The following ASH2L variants were observed in gnomAD, a reference collection of about 807,000 sequenced individuals.
ASH2L encodes the protein ASH2 like, histone lysine methyltransferase complex subunit.
Under a neutral mutation model 81.1 loss-of-function variants are expected in ASH2L, and 30 were observed. That is an observed-to-expected ratio of 0.37 (90% confidence interval 0.28 to 0.50). The LOEUF is 0.50. ASH2L is among the 20% of genes least tolerant of loss of function. ASH2L has a pLI of 0.95. For missense variants in ASH2L, 559 were observed against 792.1 expected, an observed-to-expected ratio of 0.71 and a Z score of 3.53; for synonymous variants, 273 against 279.9, an observed-to-expected ratio of 0.98 and a Z score of 0.24.
intron 10 of ASH2L, among the ~76,000 whole-genome samples, chr8:38,122,947 CTA>C (rs1180328646): frequency 6.6e-6 from 1 of 151,708 alleles, no homozygotes; most frequent in African/African-American, 2.4e-5. Context: ...TGGGGTCTTA[CTA>C]TGTTGCCTAG....
In ASH2L at chr8:38,128,876, C is replaced by T. The variant is rs759800684; in HGVS notation, c.1452C>T (p.Asp484=). The stretch of plus-strand genomic sequence containing the variant: ...ACTCTTCTGGCTATGGACAGGGAGA[C>T]GTCCTGGGATTTTATATTAATCTTC... ...KHYSSGYGQG[D]VLGFYINLPE... The change falls in exon 12 of 16, where the codon GAC becomes GAT. Residue 484 remains aspartate (D), a synonymous_variant. Transcript: ENST00000343823. 17 of 1,613,992 alleles carry T rather than the reference C, an allele frequency of 1.1e-5. No individual in the cohort carries two copies. Among genetic ancestry groups the T allele is most frequent in the African/African-American group, 8.0e-5 (6 of 74,886 alleles).
Position 38,119,269 on chromosome 8 carries a change from G to A in ASH2L, c.854-1G>A. ...GAAAGCAATCTGCCTTCTCTTCAAA[G>A]GGGGAATTGCAGCAGGAAGCAGCGG... On this transcript the variant is annotated splice_acceptor_variant, in intron 8 of 15. Transcript: ENST00000343823. LOFTEE classifies it high-confidence loss of function. 6.5e-7 allele frequency: 1 copy of A among 1,550,296 alleles called. No homozygotes were observed. The highest frequency in any genetic ancestry group is 1.4e-5 in the African/African-American group (1 of 73,054).
intron 3 of ASH2L, among the ~76,000 whole-genome samples, chr8:38,107,572 T>C (rs1810495397): frequency 6.6e-6 from 1 of 152,202 alleles, no homozygotes. Flanking sequence ...TGAACCATCC[T>C]TTTTTTCCTT....
chr8:38,116,762 A>G lies in ASH2L; in HGVS notation c.853+37A>G, dbSNP rs1446659346. 5.2e-6 allele frequency: 8 copies of G among 1,550,320 alleles called. No individual in the cohort carries two copies. In the South Asian group the frequency reaches 7.9e-5, roughly 15 times the overall value. On this transcript the variant is annotated intron_variant, in intron 8 of 15. Coordinates refer to ENST00000343823, the MANE Select transcript of ASH2L (RefSeq NM_004674.5). ...CATATCTCATTGCTGAAATATTTGG[A>G]AGCTATTGAATCCAGTTGTGCCTAG...
chr8:38,106,722 G>T (rs550367413), intron 2 of ASH2L, among the ~76,000 whole-genome samples: 1 of 152,002 alleles, frequency 6.6e-6, no homozygotes, highest in South Asian at 2.1e-4. Context: ...TGTTGGCCAG[G>T]CTGGTCTCGA....
At position 38,128,896 on chromosome 8, in the gene ASH2L, A is replaced by G. The variant is rs201626585; in HGVS notation, c.1472A>G (p.Asn491Ser). The change falls in exon 12 of 16, where the codon AAT (asparagine) becomes AGT (serine). Residue 491 changes from asparagine (N) to serine (S), a missense_variant. By Grantham distance (46) the Asn-to-Ser change is conservative. Transcript: ENST00000343823. ...GGAGACGTCCTGGGATTTTATATTA[A>G]TCTTCCTGAAGACACAGAGACAGCC... is the stretch of plus-strand genomic sequence containing the variant. ...GQGDVLGFYINLPEDTETAKS... is the reference protein window; with the variant it reads ...GQGDVLGFYISLPEDTETAKS... The G allele has an allele frequency of 1.9e-6, 3 of 1,614,056 alleles. No homozygotes were observed. The highest frequency in any genetic ancestry group is 2.5e-6 in the Non-Finnish European group (3 of 1,179,982).
intron 3 of ASH2L, among the ~76,000 whole-genome samples, chr8:38,108,359 G>C (rs544470258): frequency 5.7e-4 from 87 of 152,308 alleles, no homozygotes; most frequent in African/African-American, 2.0e-3. Context: ...TGGATAGACA[G>C]TTTAGGAAAG....
chr8:38,114,774 GA>G, intron 6 of ASH2L, 130 bp from the exon 7 acceptor site: 1 of 622,130 alleles, frequency 1.6e-6, no homozygotes, highest in Non-Finnish European at 2.8e-6. Context: ...TTATTTCTTA[GA>G]AGGAAAAACG....
rs201497435 is a variant in ASH2L at position 38,111,100 on chromosome 8, A to C, written c.585+267A>C. ...CAGGCATGCGCCACCACGCCCAGCT[A>C]ATTTTTTGTATTTTTAGTAGAGACA... On this transcript the variant is annotated intron_variant, in intron 5 of 15. Coordinates refer to ENST00000343823, the MANE Select transcript of ASH2L (RefSeq NM_004674.5). Among the ~76,000 whole-genome samples, 96 of 152,090 alleles carry C rather than the reference A, an allele frequency of 6.3e-4. 1 individual carries two copies. In the East Asian group the frequency reaches 0.013, roughly 20 times the overall value.
intron 4 of ASH2L, 69 bp downstream of exon 4, chr8:38,110,536 A>G: frequency 6.9e-7 from 1 of 1,443,116 alleles, no homozygotes; most frequent in Non-Finnish European, 9.7e-7. Flanking sequence ...TGGGCGTAGC[A>G]GAATCAGGAG....
chr8:38,119,473 A>C, intron 9 of ASH2L, 110 bp downstream of exon 9: 1 of 938,710 alleles, frequency 1.1e-6, no homozygotes, highest in South Asian at 2.0e-5. Context: ...AAGCCTGTCC[A>C]TTTTTTCTAA....
At chr8:38,126,243 T>C (rs886650330) in intron 10 of ASH2L, among the ~76,000 whole-genome samples, 2 of 151,134 alleles carry the variant, frequency 1.3e-5, no homozygotes, top group Non-Finnish European at 2.9e-5. Context: ...CAAATGTAAC[T>C]GAGGGACATT....
At chr8:38,106,247 C>G in intron 1 of ASH2L, 131 bp from the exon 2 acceptor site, 1 of 1,370,598 alleles carries the variant, frequency 7.3e-7, no homozygotes, top group Non-Finnish European at 1.0e-6. Context: ...GGCATCCAGT[C>G]TGAGATCAGG....
intron 1 of ASH2L, 145 bp from the exon 2 acceptor site, chr8:38,106,233 C>T (rs1810424672): frequency 2.2e-6 from 3 of 1,372,752 alleles, no homozygotes; most frequent in Admixed American, 1.9e-5. Context: ...CTGACAGTAC[C>T]TTGGGCATCC....
Position 38,139,303 on chromosome 8 carries a change from A to G in ASH2L, c.*232A>G, listed in dbSNP as rs1478867501. The G allele has an allele frequency of 4.3e-6, 2 of 468,518 alleles. No individual in the cohort carries two copies. Among genetic ancestry groups the G allele is most frequent in the African/African-American group, 3.8e-5 (2 of 52,090 alleles). The allele number at this position is 468,518 out of a possible 1,614,324, so 29.0% of individuals were successfully genotyped here. A position where few individuals can be genotyped will look rare whatever the true frequency, so the allele number is the denominator to read the frequency against. ...CCATAAGCCAACAACCGCTGACTCCAGGATTGCATAAGCCCCCTGTGAAAT... is the reference window on the plus strand; with the variant it reads ...CCATAAGCCAACAACCGCTGACTCCGGGATTGCATAAGCCCCCTGTGAAAT... On this transcript the variant is annotated 3_prime_UTR_variant, in exon 16 of 16. Coordinates refer to ENST00000343823, the MANE Select transcript of ASH2L (RefSeq NM_004674.5).
At chr8:38,107,690 G>A (rs544215665) in intron 3 of ASH2L, among the ~76,000 whole-genome samples, 7 of 152,136 alleles carry the variant, frequency 4.6e-5, no homozygotes, top group African/African-American at 1.4e-4. Context: ...TTGTGATTGA[G>A]AATGAAAGAC....
intron 10 of ASH2L, among the ~76,000 whole-genome samples, chr8:38,125,979 A>G (rs1179671373): frequency 6.6e-6 from 1 of 152,024 alleles, no homozygotes; most frequent in Non-Finnish European, 1.5e-5. Context: ...CAAAGTGGGT[A>G]GATAACCGGA....
chr8:38,120,359 A>G (rs1315285602), intron 9 of ASH2L, among the ~76,000 whole-genome samples: 1 of 152,006 alleles, frequency 6.6e-6, no homozygotes, highest in East Asian at 1.9e-4. Context: ...CTCCCTTCTC[A>G]TGCCTTTTCC....
intron 5 of ASH2L, among the ~76,000 whole-genome samples, chr8:38,112,130 C>T (rs931599206): frequency 7.2e-5 from 11 of 152,142 alleles, no homozygotes; most frequent in African/African-American, 2.7e-4. Context: ...CCTCAGCCTC[C>T]CGAGTAGCTG....
Sources: allele counts gnomAD v4.1 joint callset (sites outside exome capture counted in the v4.1 genomes callset), GRCh38; gene constraint gnomAD v4.1.1; transcripts MANE v1.5; gene names NCBI Gene and HGNC (gene_info 2026-07-23, HGNC 2026-07-21).